Variants in LOC400499 observed in about 807,000 individuals in gnomAD.
the LOC400499 span, chr16:11,396,529 G>T: frequency 8.9e-6 from 11 of 1,232,232 alleles, no homozygotes; most frequent in Non-Finnish European, 1.0e-5. Flanking sequence ...CCCCGGAGAA[G>T]TCAGCTGAAC....
the LOC400499 span, among the ~76,000 whole-genome samples, chr16:11,474,970 A>C: frequency 0.34 from 51,799 of 152,182 alleles, 9,657 homozygotes; most frequent in African/African-American, 0.47. Flanking sequence ...CTTGTTCCTA[A>C]GCAGGTAGCT....
chr16:11,514,419 T>C, the LOC400499 span: 3 of 398,990 alleles, frequency 7.5e-6, no homozygotes, highest in Middle Eastern at 6.2e-4. Context: ...AGGGTCCTCA[T>C]CTGCACAGCG....
chr16:11,440,811 C>A, the LOC400499 span: 1 of 399,036 alleles, frequency 2.5e-6, no homozygotes, highest in South Asian at 1.3e-4. Context: ...AGATGATGCC[C>A]CCATCCAAGC....
At chr16:11,375,800 G>T in the LOC400499 span, among the ~76,000 whole-genome samples, 430 of 144,644 alleles carry the variant, frequency 3.0e-3, 6 homozygotes, top group African/African-American at 0.011. Flanking sequence ...TGCAATCTCG[G>T]CTCACCGCAA....
the LOC400499 span, among the ~76,000 whole-genome samples, chr16:11,400,777 C>T: frequency 5.2e-3 from 789 of 152,204 alleles, 10 homozygotes; most frequent in African/African-American, 0.018. Flanking sequence ...CATATCACAC[C>T]TTCTGATTTT....
the LOC400499 span, among the ~76,000 whole-genome samples, chr16:11,473,769 A>G: frequency 6.6e-6 from 1 of 151,586 alleles, no homozygotes; most frequent in Admixed American, 6.6e-5. Context: ...AAAAAAAAAA[A>G]GTTATGCGAT....
At chr16:11,421,544 C>T in the LOC400499 span, among the ~76,000 whole-genome samples, 3 of 152,050 alleles carry the variant, frequency 2.0e-5, no homozygotes, top group Admixed American at 1.3e-4. Flanking sequence ...TGGGATTATA[C>T]GCATGCGCCA....
chr16:11,500,173 A>G, the LOC400499 span, among the ~76,000 whole-genome samples: 3 of 152,136 alleles, frequency 2.0e-5, no homozygotes, highest in Admixed American at 6.6e-5. Flanking sequence ...ATTCCTCACT[A>G]TAAGACCAGG....
At chr16:11,451,273 A>C in the LOC400499 span, among the ~76,000 whole-genome samples, 33 of 152,214 alleles carry the variant, frequency 2.2e-4, no homozygotes, top group African/African-American at 7.9e-4. Context: ...TCTGAATGCA[A>C]TTTTTTCATA....
the LOC400499 span, chr16:11,459,961 G>A: frequency 1.3e-6 from 2 of 1,512,850 alleles, no homozygotes; most frequent in Non-Finnish European, 1.8e-6. Context: ...ACACGGAGAT[G>A]CCTCTTGTTG....
the LOC400499 span, among the ~76,000 whole-genome samples, chr16:11,428,674 G>A: frequency 6.6e-6 from 1 of 152,060 alleles, no homozygotes; most frequent in Admixed American, 6.6e-5. Context: ...TGTATCTTGT[G>A]GCGACCTCCT....
the LOC400499 span, chr16:11,461,032 G>A: frequency 3.3e-6 from 5 of 1,536,132 alleles, no homozygotes; most frequent in Non-Finnish European, 4.4e-6. Flanking sequence ...CAGGCCAAGG[G>A]CACGAAGCCC....
the LOC400499 span, among the ~76,000 whole-genome samples, chr16:11,428,624 C>T: frequency 2.0e-5 from 3 of 152,172 alleles, no homozygotes; most frequent in African/African-American, 7.2e-5. Flanking sequence ...CGGCCGGCTT[C>T]TTTACTGAAA....
chr16:11,422,848 G>A, the LOC400499 span, among the ~76,000 whole-genome samples: 4 of 152,182 alleles, frequency 2.6e-5, no homozygotes, highest in East Asian at 1.9e-4. Flanking sequence ...CTTGTCTCAC[G>A]ATGCCAGGAC....
the LOC400499 span, among the ~76,000 whole-genome samples, chr16:11,394,719 G>T: frequency 6.6e-6 from 1 of 152,234 alleles, no homozygotes; most frequent in Non-Finnish European, 1.5e-5. Context: ...CCACCCAGAA[G>T]GCAGAAGGCC....
chr16:11,471,771 C>T, the LOC400499 span: 6 of 399,034 alleles, frequency 1.5e-5, no homozygotes, highest in Admixed American at 4.4e-5. Flanking sequence ...GGCCAGGCAC[C>T]GGCCAGGTCA....
chr16:11,449,522 T>C, the LOC400499 span, among the ~76,000 whole-genome samples: 1 of 152,154 alleles, frequency 6.6e-6, no homozygotes, highest in African/African-American at 2.4e-5. Flanking sequence ...GTTTCAGAGC[T>C]AGGGGAGGTA....
chr16:11,392,742 T>G, the LOC400499 span: 2 of 964,698 alleles, frequency 2.1e-6, no homozygotes. Flanking sequence ...TTTCCTGAGG[T>G]TTTTTTTTGA....
At chr16:11,506,264 A>G in the LOC400499 span, among the ~76,000 whole-genome samples, 6 of 152,096 alleles carry the variant, frequency 3.9e-5, no homozygotes, top group Non-Finnish European at 7.4e-5. Flanking sequence ...ACCTCAGGTG[A>G]TCTGCCCGCC....
Sources: allele counts gnomAD v4.1 joint callset (sites outside exome capture counted in the v4.1 genomes callset), GRCh38; gene constraint gnomAD v4.1.1; transcripts MANE v1.5.